CSMD1: variants seen among roughly 807,000 people sequenced by gnomAD.
CSMD1 encodes CUB and sushi domain-containing protein 1.
In CSMD1, 213 loss-of-function variants were observed where a neutral mutation model predicts 417.5. The ratio of observed to expected loss-of-function variants is 0.51; its 90% CI spans 0.46 to 0.57. The LOEUF is 0.57. Among genes scored for constraint, CSMD1 ranks in the 20% least tolerant of loss-of-function variants. CSMD1 has a pLI of 0.00. For synonymous variants in CSMD1, 2,862 were observed against 1,736.8 expected, an observed-to-expected ratio of 1.65 and a Z score of -16.11; for missense variants, 6,923 against 4,529.7, an observed-to-expected ratio of 1.53 and a Z score of -15.17.
intron 1 of CSMD1, among the ~76,000 whole-genome samples, chr8:4,642,268 T>TCA (rs1222798657): frequency 1.3e-5 from 2 of 152,188 alleles, no homozygotes; most frequent in Non-Finnish European, 2.9e-5. Flanking sequence ...AAGGCAGGGC[T>TCA]CACTGTGTCC....
chr8:3,347,746 T>A (rs1037326962), intron 22 of CSMD1, among the ~76,000 whole-genome samples: 1 of 152,198 alleles, frequency 6.6e-6, no homozygotes, highest in African/African-American at 2.4e-5. Context: ...ATAACTTTCA[T>A]AAGGTGCTGG....
At chr8:3,735,637 G>T (rs901038170) in intron 6 of CSMD1, among the ~76,000 whole-genome samples, 4 of 152,090 alleles carry the variant, frequency 2.6e-5, no homozygotes, top group Admixed American at 2.0e-4. Flanking sequence ...TGAATCTCTT[G>T]GTGCCCTGGT....
chr8:3,629,308 T>C (rs1796657017), intron 7 of CSMD1, among the ~76,000 whole-genome samples: 1 of 100,970 alleles, frequency 9.9e-6, no homozygotes, highest in Non-Finnish European at 2.4e-5. Flanking sequence ...TCTTACTTAA[T>C]ATTATTTTCT....
At chr8:4,129,358 T>G (rs909479105) in intron 3 of CSMD1, among the ~76,000 whole-genome samples, 1 of 152,156 alleles carries the variant, frequency 6.6e-6, no homozygotes, top group Non-Finnish European at 1.5e-5. Context: ...CTTGAATGCA[T>G]TCCCAGTTTC....
At chr8:3,241,525 T>C (rs140427872) in intron 26 of CSMD1, among the ~76,000 whole-genome samples, 11,741 of 151,758 alleles carry the variant, frequency 0.077, 615 homozygotes, top group Admixed American at 0.14. Context: ...AGTCAGAGAG[T>C]CTTGGGCCAG....
chr8:3,909,087 C>G (rs959272049), intron 5 of CSMD1, among the ~76,000 whole-genome samples: 6 of 152,162 alleles, frequency 3.9e-5, no homozygotes, highest in African/African-American at 1.4e-4. Flanking sequence ...TTCTAGTGAA[C>G]AAGTCCACTG....
chr8:4,762,072 G>A (rs185220323), intron 1 of CSMD1, among the ~76,000 whole-genome samples: 1 of 152,030 alleles, frequency 6.6e-6, no homozygotes, highest in Non-Finnish European at 1.5e-5. Flanking sequence ...CTCAAATGAT[G>A]TAAGTATAGT....
chr8:4,854,117 T>A (rs1801647515), intron 1 of CSMD1, among the ~76,000 whole-genome samples: 1 of 152,178 alleles, frequency 6.6e-6, no homozygotes, highest in Non-Finnish European at 1.5e-5. Context: ...ACTTTTGAGT[T>A]AATGCAGAAG....
rs566699973 is a variant in CSMD1, at chr8:4,863,403, G to A, written c.85+130929C>T. 5.3e-5 allele frequency among the ~76,000 whole-genome samples: 8 copies of A among 152,116 alleles called. No homozygotes were observed. The South Asian group carries it at 1.7e-3, about 32-fold the overall frequency. Reference sequence around the variant, plus strand: ...GCCTTAAGTAAAGAGAATGCCTTTGGCCCTCCCCATGAGACTCAATAGACC... The same window carrying A: ...GCCTTAAGTAAAGAGAATGCCTTTGACCCTCCCCATGAGACTCAATAGACC... On this transcript the variant is annotated intron_variant, in intron 1 of 69. Coordinates refer to ENST00000635120, the MANE Select transcript of CSMD1 (RefSeq NM_033225.6).
chr8:4,138,535 T>C (rs1281433785), intron 3 of CSMD1, among the ~76,000 whole-genome samples: 1 of 152,114 alleles, frequency 6.6e-6, no homozygotes, highest in Non-Finnish European at 1.5e-5. Flanking sequence ...TTGAGGAAAG[T>C]GATGGCTATT....
At chr8:3,573,874 T>C (rs1563165984) in intron 10 of CSMD1, among the ~76,000 whole-genome samples, 1 of 152,130 alleles carries the variant, frequency 6.6e-6, no homozygotes, top group East Asian at 1.9e-4. Context: ...CTATAATAGT[T>C]TCCTCACAGT....
chr8:4,200,574 T>C (rs1000762662), intron 3 of CSMD1, among the ~76,000 whole-genome samples: 2 of 149,494 alleles, frequency 1.3e-5, no homozygotes, highest in East Asian at 3.9e-4. Context: ...ATTATAAATC[T>C]TGGCGGGCCT....
chr8:4,001,365 C>G (rs1815659338), intron 4 of CSMD1, among the ~76,000 whole-genome samples: 2 of 152,136 alleles, frequency 1.3e-5, no homozygotes, highest in Non-Finnish European at 2.9e-5. Flanking sequence ...CATTAGCCCC[C>G]TGGTTTCTCC....
intron 3 of CSMD1, among the ~76,000 whole-genome samples, chr8:4,201,668 A>G (rs918474715): frequency 1.3e-5 from 2 of 151,944 alleles, no homozygotes; most frequent in African/African-American, 4.8e-5. Context: ...TTTCATTTCT[A>G]TAATTTACTC....
At chr8:4,154,366 T>A (rs1796719359) in intron 3 of CSMD1, among the ~76,000 whole-genome samples, 1 of 152,212 alleles carries the variant, frequency 6.6e-6, no homozygotes, top group African/African-American at 2.4e-5. Flanking sequence ...ATGTCCATGT[T>A]TTGTGACATA....
chr8:4,005,986 G>C (rs147626516), intron 4 of CSMD1, among the ~76,000 whole-genome samples: 67 of 152,250 alleles, frequency 4.4e-4, no homozygotes, highest in Middle Eastern at 3.4e-3. Context: ...TTCTCTACTA[G>C]AATGAGCAGA....
intron 1 of CSMD1, among the ~76,000 whole-genome samples, chr8:4,694,277 C>A (rs1450921540): frequency 6.6e-6 from 1 of 151,730 alleles, no homozygotes; most frequent in East Asian, 2.0e-4. Context: ...CTACCTATGA[C>A]ATGGAAGCCC....
chr8:2,982,108 C>G (rs1007024243), intron 54 of CSMD1, among the ~76,000 whole-genome samples: 5 of 152,186 alleles, frequency 3.3e-5, no homozygotes, highest in Non-Finnish European at 5.9e-5. Context: ...GTAATCCCAG[C>G]ACTTTGGGAG....
At chr8:3,411,882 A>ACATGCACGTATATATGCACGTATACATG (rs1563361605) in intron 12 of CSMD1, among the ~76,000 whole-genome samples, 4 of 46,360 alleles carry the variant, frequency 8.6e-5, no homozygotes, top group Admixed American at 2.2e-4. Context: ...ACGTATATAT[A>ACATGCACGTATATATGCACGTATACATG]CACGTATATA....
Sources: gnomAD v4.1 joint callset for allele counts (sites outside exome capture counted in the v4.1 genomes callset) on GRCh38, gnomAD v4.1.1 for gene constraint, MANE v1.5 for transcripts, NCBI Gene and HGNC (gene_info 2026-07-23, HGNC 2026-07-21) for gene names.